The following AMZ1 variants were observed in gnomAD, a reference collection of about 807,000 sequenced individuals.
AMZ1 encodes archaelysin family metallopeptidase 1, also known as archaemetzincin-1.
Under a neutral mutation model 29.9 loss-of-function variants are expected in AMZ1, and 39 were observed. The ratio of observed to expected loss-of-function variants is 1.30; its 90% CI spans 1.01 to 1.70. The LOEUF is 1.70. Ranked by LOEUF, AMZ1 falls within the 40% of genes most tolerant of loss-of-function variation. The pLI, the probability that AMZ1 is intolerant of heterozygous loss-of-function variation, is 0.00. For missense variants in AMZ1, 1,041 were observed against 680.6 expected (o/e 1.53, Z -5.89); for synonymous variants, 458 against 304.0 (o/e 1.51, Z -5.27).
chr7:2,708,742 C>T (rs201876216), intron 4 of AMZ1, 26 bp downstream of exon 4: 143 of 1,611,370 alleles, frequency 8.9e-5, no homozygotes, highest in African/African-American at 8.0e-5. Context: ...AGCAGCTGTG[C>T]GTGGGGGGTA....
At chr7:2,737,904 G>C (rs145868113) in intron 4 of AMZ1, among the ~76,000 whole-genome samples, 152 of 152,210 alleles carry the variant, frequency 1.0e-3, no homozygotes, top group African/African-American at 3.5e-3. Context: ...TTTAAAAACA[G>C]TATCTAGTTC....
chr7:2,745,091 C>G (rs1473144381), intron 4 of AMZ1, among the ~76,000 whole-genome samples: 2 of 152,216 alleles, frequency 1.3e-5, no homozygotes, highest in East Asian at 3.8e-4. Flanking sequence ...TTGGAAAACA[C>G]TCTGCAGGAT....
chr7:2,760,104 A>G (rs368832226), upstream of AMZ1, among the ~76,000 whole-genome samples: 5 of 152,352 alleles, frequency 3.3e-5, no homozygotes, highest in East Asian at 7.7e-4. Context: ...TCTGTTGGCA[A>G]TGTGTAGCTT....
intron 6 of AMZ1, among the ~76,000 whole-genome samples, chr7:2,711,519 A>T (rs1309335492): frequency 6.6e-6 from 1 of 152,226 alleles, no homozygotes; most frequent in Non-Finnish European, 1.5e-5. Flanking sequence ...AGAGGAGACT[A>T]ACCTTGAGAG....
At chr7:2,754,677 A>G (rs1791206117) in intron 4 of AMZ1, among the ~76,000 whole-genome samples, 1 of 152,112 alleles carries the variant, frequency 6.6e-6, no homozygotes, top group African/African-American at 2.4e-5. Context: ...TGAGCCCAGG[A>G]GACTGAGGCT....
chr7:2,688,008 GC>G (rs563745383), upstream of AMZ1, among the ~76,000 whole-genome samples: 2 of 147,310 alleles, frequency 1.4e-5, no homozygotes, highest in Non-Finnish European at 3.0e-5. Context: ...AGGCTCTGGG[GC>G]CCCCCTGCCC....
At chr7:2,707,300 A>C (rs1788415677) in intron 3 of AMZ1, among the ~76,000 whole-genome samples, 1 of 151,462 alleles carries the variant, frequency 6.6e-6, no homozygotes, top group South Asian at 2.1e-4. Context: ...AAAAAAACAC[A>C]CACACACAGA....
In AMZ1 at chr7:2,709,169, C is replaced by T. The variant is rs58726146; in HGVS notation, c.696C>T (p.Asp232=). 0.16 allele frequency: 249,180 copies of T among 1,555,168 alleles called. 25,135 individuals carry two copies. The highest frequency in any genetic ancestry group is 0.56 in the East Asian group (24,208 of 43,330). ...TGGCCCTGGTAGAGGCAGCAGCAGA[C>T]GGCCCCGAGGCCCCCCTGCAGGACA... ...PDLALVEAAA[D]GPEAPLQDRG... The change falls in exon 5 of 7, where the codon GAC becomes GAT. Residue 232 remains aspartate, a synonymous_variant. Transcript: ENST00000683327.
chr7:2,700,264 G>T lies in AMZ1; in HGVS notation c.-188G>T. On this transcript the variant is annotated 5_prime_UTR_variant, in exon 2 of 7. The change creates a premature stop within an existing upstream ORF in the 5' untranslated region. Coordinates refer to ENST00000683327, the MANE Select transcript of AMZ1 (RefSeq NM_001384743.1). ...TGTGGGCCCAGAAGCGCCCATGCCT[G>T]AGAGCGTCCAGGACCAGGCAGAGCT... 1 of 668,246 alleles carries T rather than the reference G, an allele frequency of 1.5e-6. No individual in the cohort carries two copies. Among genetic ancestry groups the T allele is most frequent in the Non-Finnish European group, 2.5e-6 (1 of 401,102 alleles). 41.4% of individuals were successfully genotyped at this position (668,246 alleles called of 1,614,324 possible).
chr7:2,763,441 A>C (rs923612298), upstream of AMZ1: 6 of 152,382 alleles, frequency 3.9e-5, no homozygotes, highest in African/African-American at 7.2e-5. Flanking sequence ...CGCCTGGAGC[A>C]AAGGTTTTGT....
At chr7:2,692,807 C>A in intron 1 of AMZ1, among the ~76,000 whole-genome samples, 1 of 152,212 alleles carries the variant, frequency 6.6e-6, no homozygotes, top group East Asian at 1.9e-4. Context: ...GCTCTTCCAA[C>A]AGCCTCCCGG....
intron 4 of AMZ1, among the ~76,000 whole-genome samples, chr7:2,756,274 G>C (rs1488527421): frequency 6.6e-6 from 1 of 152,016 alleles, no homozygotes; most frequent in Non-Finnish European, 1.5e-5. Context: ...CTCATTTGGA[G>C]GATCAGAAAA....
intron 1 of AMZ1, among the ~76,000 whole-genome samples, chr7:2,688,517 C>T (rs1015904509): frequency 2.0e-5 from 3 of 152,162 alleles, no homozygotes; most frequent in Non-Finnish European, 4.4e-5. Flanking sequence ...CGCACAGCCC[C>T]GGCAGGTCCT....
At chr7:2,760,738 G>A (rs1205552377), upstream of AMZ1, among the ~76,000 whole-genome samples, 1 of 152,176 alleles carries the variant, frequency 6.6e-6, no homozygotes. Flanking sequence ...GTTTAGCTAC[G>A]ACCATTTCTA....
intron 4 of AMZ1, chr7:2,733,574 A>T (rs1790009709): frequency 3.4e-6 from 4 of 1,189,698 alleles, no homozygotes; most frequent in African/African-American, 1.5e-5. Flanking sequence ...CAAGAACTGA[A>T]CAGGGTAAGA....
rs1787968298 is a variant in AMZ1 at position 2,700,228 on chromosome 7, C to T, written c.-218-6C>T. On this transcript the variant is annotated splice_polypyrimidine_tract_variant and splice_region_variant and intron_variant, in intron 1 of 6. Coordinates refer to ENST00000683327, the MANE Select transcript of AMZ1 (RefSeq NM_001384743.1). Reference sequence around the variant, plus strand: ...GTGAGGGGACCCCTGTTCGTGTCATCCACAGGGTGCTGTGGGCCCAGAAGC... The same window carrying T: ...GTGAGGGGACCCCTGTTCGTGTCATTCACAGGGTGCTGTGGGCCCAGAAGC... The T allele has an allele frequency of 1.7e-6, 1 of 590,970 alleles. No homozygotes were observed. Among genetic ancestry groups the T allele is most frequent in the Admixed American group, 3.0e-5 (1 of 33,506 alleles). The allele number at this position is 590,970 out of a possible 1,614,324, so 36.6% of individuals were successfully genotyped here.
chr7:2,706,138 G>A (rs1201037188), intron 3 of AMZ1, among the ~76,000 whole-genome samples: 1 of 152,190 alleles, frequency 6.6e-6, no homozygotes, highest in Non-Finnish European at 1.5e-5. Context: ...GAACTCAGAG[G>A]GTATGCCAGG....
intron 1 of AMZ1, among the ~76,000 whole-genome samples, chr7:2,693,217 T>C (rs1305625352): frequency 6.6e-6 from 1 of 152,066 alleles, no homozygotes; most frequent in African/African-American, 2.4e-5. Context: ...TTCTTCTGAG[T>C]AGCTGGGATT....
intron 4 of AMZ1, among the ~76,000 whole-genome samples, chr7:2,753,613 G>C (rs1478531800): frequency 6.6e-6 from 1 of 152,098 alleles, no homozygotes; most frequent in Non-Finnish European, 1.5e-5. Flanking sequence ...GGTTGTTTCT[G>C]TATTTTAGCT....
Sources: gnomAD v4.1 joint callset for allele counts (sites outside exome capture counted in the v4.1 genomes callset) on GRCh38, gnomAD v4.1.1 for gene constraint, MANE v1.5 for transcripts, NCBI Gene and HGNC (gene_info 2026-07-23, HGNC 2026-07-21) for gene names.